Variants in PTPRK observed in about 807,000 individuals in gnomAD.
PTPRK encodes the protein protein tyrosine phosphatase receptor type K.
PTPRK carries 75 observed loss-of-function variants against 178.0 expected under a neutral mutation model. That is an observed-to-expected ratio of 0.42 (90% CI 0.35 to 0.51). The LOEUF (loss-of-function observed/expected upper bound fraction) is 0.51. PTPRK is among the 20% of genes least tolerant of loss of function. The pLI is 0.02. For missense variants in PTPRK, 1,441 were observed against 1,797.8 expected (o/e 0.80, Z 3.59); for synonymous variants, 637 against 620.6 (o/e 1.03, Z -0.39).
chr6:128,088,125 C>T (rs1469344157), intron 8 of PTPRK, among the ~76,000 whole-genome samples: 2 of 152,022 alleles, frequency 1.3e-5, no homozygotes, highest in Non-Finnish European at 2.9e-5. Flanking sequence ...CGCCTGTAAC[C>T]CTAGCACTTT....
chr6:128,032,564 T>G (rs909424312), intron 13 of PTPRK, among the ~76,000 whole-genome samples: 1 of 152,186 alleles, frequency 6.6e-6, no homozygotes, highest in Non-Finnish European at 1.5e-5. Context: ...AGCCTATACA[T>G]TTATTGTAAC....
intron 2 of PTPRK, among the ~76,000 whole-genome samples, chr6:128,393,109 T>A (rs911382011): frequency 2.1e-5 from 3 of 145,088 alleles, no homozygotes; most frequent in East Asian, 4.4e-4. Context: ...TTTTTTTTTT[T>A]AAGACAGAGT....
At chr6:128,225,678 T>C (rs1811172810) in intron 5 of PTPRK, among the ~76,000 whole-genome samples, 1 of 152,156 alleles carries the variant, frequency 6.6e-6, no homozygotes. Context: ...ATTTCTAAAA[T>C]TAAAAAATAC....
chr6:128,097,713 GTTAT>G (rs1246250279), intron 7 of PTPRK, among the ~76,000 whole-genome samples: 1 of 152,066 alleles, frequency 6.6e-6, no homozygotes, highest in Non-Finnish European at 1.5e-5. Context: ...ACATTCACAT[GTTAT>G]TTAAATAAAA....
intron 1 of PTPRK, among the ~76,000 whole-genome samples, chr6:128,406,258 T>C (rs1161444924): frequency 6.6e-6 from 1 of 151,398 alleles, no homozygotes; most frequent in Non-Finnish European, 1.5e-5. Flanking sequence ...ATCTCAAAAA[T>C]AATAATAATA....
chr6:127,980,564 C>T (rs1387910597), intron 25 of PTPRK, among the ~76,000 whole-genome samples: 3 of 151,810 alleles, frequency 2.0e-5, no homozygotes, highest in African/African-American at 7.3e-5. Context: ...TATATAACAC[C>T]CTGCAATTTA....
At chr6:128,082,343 T>C (rs1374076517) in intron 10 of PTPRK, 94 bp downstream of exon 10, 4 of 1,168,152 alleles carry the variant, frequency 3.4e-6, no homozygotes, top group African/African-American at 1.5e-5. Context: ...ACAAGCAAGA[T>C]GAACTACACT....
At chr6:128,239,473 T>A (rs1278124101) in intron 5 of PTPRK, among the ~76,000 whole-genome samples, 1 of 152,172 alleles carries the variant, frequency 6.6e-6, no homozygotes. Context: ...CCATTTACAG[T>A]TCCCCAACAT....
intron 7 of PTPRK, among the ~76,000 whole-genome samples, chr6:128,162,199 T>A (rs1798804640): frequency 6.6e-6 from 1 of 151,714 alleles, no homozygotes; most frequent in Non-Finnish European, 1.5e-5. Flanking sequence ...TACAAGCAGA[T>A]GAACCTTTTT....
intron 1 of PTPRK, among the ~76,000 whole-genome samples, chr6:128,464,961 T>C (rs995425325): frequency 1.3e-5 from 2 of 151,276 alleles, no homozygotes; most frequent in African/African-American, 2.4e-5. Flanking sequence ...CCGGGTTTGT[T>C]TTTTGCTCTG....
intron 13 of PTPRK, among the ~76,000 whole-genome samples, chr6:128,009,541 G>A (rs1298820200): frequency 2.0e-5 from 3 of 151,134 alleles, no homozygotes; most frequent in Non-Finnish European, 4.4e-5. Flanking sequence ...TTTTCCCCAA[G>A]TGTCCTTGAA....
At chr6:128,240,284 A>G in intron 4 of PTPRK, 134 bp from the exon 5 acceptor site, 2 of 665,652 alleles carry the variant, frequency 3.0e-6, no homozygotes, top group Non-Finnish European at 5.1e-6. Context: ...AAGAAAACTG[A>G]GGGGCTTTTT....
At chr6:128,110,517 C>G (rs371710125) in intron 7 of PTPRK, among the ~76,000 whole-genome samples, 3 of 151,970 alleles carry the variant, frequency 2.0e-5, no homozygotes, top group East Asian at 1.9e-4. Context: ...CTTTTGGTAC[C>G]AGTCACCCCA....
At chr6:128,354,225 G>GTTTTTTTTTTT in intron 2 of PTPRK, among the ~76,000 whole-genome samples, 1 of 27,330 alleles carries the variant, frequency 3.7e-5, no homozygotes, top group African/African-American at 9.9e-5. Flanking sequence ...TTGGTTTTTT[G>GTTTTTTTTTTT]TTTATGTTTT....
At chr6:128,364,320 A>C (rs1835181496) in intron 2 of PTPRK, among the ~76,000 whole-genome samples, 2 of 151,994 alleles carry the variant, frequency 1.3e-5, no homozygotes, top group Non-Finnish European at 2.9e-5. Flanking sequence ...TTAAAAGCAA[A>C]CGGCATTCAA....
At chr6:128,198,773 C>A (rs972181975) in intron 6 of PTPRK, among the ~76,000 whole-genome samples, 1 of 152,154 alleles carries the variant, frequency 6.6e-6, no homozygotes, top group Non-Finnish European at 1.5e-5. Flanking sequence ...CTGAAATAAA[C>A]GCACTTTTTC....
Position 127,976,791 on chromosome 6 carries a change from T to C in PTPRK, c.3844-9A>G, listed in dbSNP as rs773510232. On this transcript the variant is annotated splice_polypyrimidine_tract_variant and intron_variant, in intron 26 of 29. Transcript: ENST00000368226. ...CAGTACTGAGGGCAGCCCTAAATGA[T>C]GAACGTTTTGAAAGAAAAAAAAAAA... is the stretch of plus-strand genomic sequence containing the variant. The C allele has an allele frequency of 2.5e-6, 4 of 1,603,632 alleles. No individual in the cohort carries two copies. The highest frequency in any genetic ancestry group is 2.5e-6 in the Non-Finnish European group (3 of 1,177,538).
At chr6:128,124,236 G>C (rs953912387) in intron 7 of PTPRK, among the ~76,000 whole-genome samples, 2 of 151,828 alleles carry the variant, frequency 1.3e-5, no homozygotes, top group Non-Finnish European at 2.9e-5. Context: ...TAGAGACAGG[G>C]TTTCGCCATG....
At chr6:128,334,680 A>G (rs1440138552) in intron 2 of PTPRK, among the ~76,000 whole-genome samples, 1 of 152,216 alleles carries the variant, frequency 6.6e-6, no homozygotes, top group African/African-American at 2.4e-5. Flanking sequence ...TTCTTCCTTT[A>G]TTAAACTTTA....
Sources: allele counts gnomAD v4.1 joint callset (sites outside exome capture counted in the v4.1 genomes callset), GRCh38; gene constraint gnomAD v4.1.1; transcripts MANE v1.5; gene names NCBI Gene and HGNC (gene_info 2026-07-23, HGNC 2026-07-21).